Variants in STK32A observed in about 807,000 individuals in gnomAD.
The protein encoded by STK32A is serine/threonine kinase 32A, also known as serine/threonine-protein kinase 32A.
STK32A carries 41 observed loss-of-function variants against 53.2 expected under a neutral mutation model. The ratio of observed to expected loss-of-function variants is 0.77; its 90% CI spans 0.60 to 1.00. The LOEUF is 1.00. Ranked by LOEUF, STK32A falls within the 50% of genes least tolerant of loss-of-function variation. The pLI is 0.00. For missense variants in STK32A, 458 were observed against 485.8 expected (o/e 0.94, Z 0.54); for synonymous variants, 166 against 162.8 (o/e 1.02, Z -0.15).
At chr5:147,400,708 A>G in the STK32A span, 11 of 1,613,948 alleles carry the variant, frequency 6.8e-6, no homozygotes, top group African/African-American at 2.7e-5. Flanking sequence ...CTTGTCCCAG[A>G]TGACAGACAT....
At chr5:147,262,719 C>A (rs1240345732) in intron 2 of STK32A, among the ~76,000 whole-genome samples, 1 of 152,090 alleles carries the variant, frequency 6.6e-6, no homozygotes, top group East Asian at 1.9e-4. Context: ...AGATTTAAAC[C>A]CACAAGGATG....
At chr5:147,257,124 G>A (rs1015586077) in intron 2 of STK32A, among the ~76,000 whole-genome samples, 1 of 152,064 alleles carries the variant, frequency 6.6e-6, no homozygotes, top group Non-Finnish European at 1.5e-5. Context: ...GGGGAGGGCT[G>A]TCTCTTTAGT....
chr5:147,330,290 A>G (rs185487760), intron 5 of STK32A, among the ~76,000 whole-genome samples: 1 of 152,300 alleles, frequency 6.6e-6, no homozygotes, highest in Non-Finnish European at 1.5e-5. Flanking sequence ...ACTTTCTTTA[A>G]ATTTAACAAG....
chr5:147,276,505 A>T (rs1430145728), intron 2 of STK32A, among the ~76,000 whole-genome samples: 1 of 152,192 alleles, frequency 6.6e-6, no homozygotes, highest in East Asian at 1.9e-4. Context: ...CACACTATCC[A>T]TATTTATAAG....
At chr5:147,399,135 C>T in the STK32A span, 27 of 1,614,180 alleles carry the variant, frequency 1.7e-5, no homozygotes, top group South Asian at 8.8e-5. Context: ...TCCCAGATGA[C>T]GAGGTCGCTG....
chr5:147,258,034 A>T (rs559666754), intron 2 of STK32A, among the ~76,000 whole-genome samples: 50 of 151,882 alleles, frequency 3.3e-4, no homozygotes, highest in Non-Finnish European at 6.2e-4. Context: ...TATACCAGAT[A>T]AGCTAAGTTT....
chr5:147,306,989 T>C (rs1228183090), intron 4 of STK32A, among the ~76,000 whole-genome samples: 1 of 152,202 alleles, frequency 6.6e-6, no homozygotes, highest in Non-Finnish European at 1.5e-5. Context: ...AGGAGTTTCT[T>C]GTCATATGTT....
At chr5:147,383,208 T>G in intron 11 of STK32A, 1 of 549,918 alleles carries the variant, frequency 1.8e-6, no homozygotes, top group Non-Finnish European at 3.2e-6. Flanking sequence ...ATAGTGACAT[T>G]AGACAGATTC....
At chr5:147,362,408 G>C (rs1756550148) in intron 8 of STK32A, among the ~76,000 whole-genome samples, 1 of 152,190 alleles carries the variant, frequency 6.6e-6, no homozygotes. Flanking sequence ...ACATGGCAGA[G>C]AGAGATCTTT....
chr5:147,363,994 T>C (rs1756632817), intron 8 of STK32A, among the ~76,000 whole-genome samples: 1 of 152,148 alleles, frequency 6.6e-6, no homozygotes, highest in African/African-American at 2.4e-5. Flanking sequence ...GGCGGGCAGA[T>C]CACCTGAGGT....
At chr5:147,282,721 G>A (rs1752122303) in intron 4 of STK32A, among the ~76,000 whole-genome samples, 1 of 152,082 alleles carries the variant, frequency 6.6e-6, no homozygotes, top group Non-Finnish European at 1.5e-5. Flanking sequence ...AATGGTAAAA[G>A]GCCTTGTTCA....
chr5:147,301,030 C>T (rs1753105914), intron 4 of STK32A, among the ~76,000 whole-genome samples: 1 of 152,100 alleles, frequency 6.6e-6, no homozygotes, highest in Non-Finnish European at 1.5e-5. Context: ...AGAAAAAGCA[C>T]ACAAAATTTG....
At chr5:147,297,183 G>T (rs1023083498) in intron 4 of STK32A, among the ~76,000 whole-genome samples, 19 of 152,228 alleles carry the variant, frequency 1.2e-4, no homozygotes, top group African/African-American at 4.6e-4. Flanking sequence ...ACAGCTCAAA[G>T]AAACAAATGT....
At chr5:147,312,910 A>C (rs1345461953) in intron 4 of STK32A, among the ~76,000 whole-genome samples, 1 of 152,108 alleles carries the variant, frequency 6.6e-6, no homozygotes, top group Admixed American at 6.5e-5. Flanking sequence ...ATGACATTAG[A>C]CTGCCCAGAA....
chr5:147,304,449 C>T (rs1753302512), intron 4 of STK32A, among the ~76,000 whole-genome samples: 1 of 152,066 alleles, frequency 6.6e-6, no homozygotes, highest in East Asian at 1.9e-4. Context: ...CTTGAATAGG[C>T]AGTAAGTGAA....
rs1176658665 is a variant in STK32A at position 147,383,875 on chromosome 5, T to C, written c.1098-15T>C. ...TCAAAGAATAAAACATCTTTTTTTT[T>C]CTTTTCTTTTTAAGAGTAAACAGGG... On this transcript the variant is annotated splice_polypyrimidine_tract_variant and intron_variant, in intron 12 of 12. Transcript: ENST00000397936. 6.8e-7 allele frequency: 1 copy of C among 1,463,930 alleles called. No individual in the cohort carries two copies. The highest frequency in any genetic ancestry group is 9.3e-7 in the Non-Finnish European group (1 of 1,075,280). 90.7% of individuals were successfully genotyped at this position (1,463,930 alleles called of 1,614,324 possible).
intron 4 of STK32A, among the ~76,000 whole-genome samples, chr5:147,294,051 GAGA>G (rs1466957615): frequency 6.6e-6 from 1 of 152,132 alleles, no homozygotes; most frequent in Non-Finnish European, 1.5e-5. Context: ...TTCTATTAAA[GAGA>G]AGATCAATGT....
intron 2 of STK32A, among the ~76,000 whole-genome samples, chr5:147,253,303 G>A (rs1754082507): frequency 1.3e-5 from 2 of 152,032 alleles, no homozygotes; most frequent in African/African-American, 2.4e-5. Flanking sequence ...AAAATTTGTG[G>A]CATGAGGGAA....
At chr5:147,335,119 C>T (rs369678254) in intron 5 of STK32A, among the ~76,000 whole-genome samples, 67 of 152,086 alleles carry the variant, frequency 4.4e-4, no homozygotes, top group Admixed American at 3.9e-3. Flanking sequence ...ATTTTTGAAC[C>T]ACAGTTGACT....
Sources: allele counts gnomAD v4.1 joint callset (sites outside exome capture counted in the v4.1 genomes callset), GRCh38; gene constraint gnomAD v4.1.1; transcripts MANE v1.5; gene names NCBI Gene and HGNC (gene_info 2026-07-23, HGNC 2026-07-21).